CNIH2: variants seen among roughly 807,000 people sequenced by gnomAD.
The protein encoded by CNIH2 is protein cornichon homolog 2.
In CNIH2, 8 loss-of-function variants were observed where a neutral mutation model predicts 22.9. The observed-to-expected ratio is 0.35, with a 90% CI of 0.20 to 0.63. The LOEUF is 0.63. Among genes scored for constraint, CNIH2 ranks in the 30% least tolerant of loss-of-function variants. The pLI is 0.72. For synonymous variants in CNIH2, 74 were observed against 78.2 expected, an observed-to-expected ratio of 0.95 and a Z score of 0.28; for missense variants, 105 against 206.2, an observed-to-expected ratio of 0.51 and a Z score of 3.01.
At chr11:66,283,203 G>A (rs200300899) in intron 4 of CNIH2, 45 bp from the exon 5 acceptor site, 88 of 1,613,596 alleles carry the variant, frequency 5.5e-5, no homozygotes, top group South Asian at 1.1e-5. Flanking sequence ...GCAGGATGGG[G>A]GTGGGAGTCC....
chr11:66,279,631 G>C (rs1355303080), intron 1 of CNIH2, among the ~76,000 whole-genome samples: 1 of 151,814 alleles, frequency 6.6e-6, no homozygotes, highest in Non-Finnish European at 1.5e-5. Flanking sequence ...CTTCCTCCCG[G>C]TGCCTCACCT....
intron 3 of CNIH2, 124 bp from the exon 4 acceptor site, chr11:66,282,911 A>G: frequency 7.3e-7 from 1 of 1,366,518 alleles, no homozygotes; most frequent in Non-Finnish European, 1.0e-6. Flanking sequence ...GGGAAGCCAG[A>G]GGCCTTTTAA....
chr11:66,280,555 C>T lies in CNIH2; in HGVS notation c.82-1704C>T, dbSNP rs560577670. Reference sequence around the variant, plus strand: ...CCCAGTGGTTCCTAGGCAACCCTGGCGGTGAGTGACGCGTGTCAGCTGTCA... The same window carrying T: ...CCCAGTGGTTCCTAGGCAACCCTGGTGGTGAGTGACGCGTGTCAGCTGTCA... On this transcript the variant is annotated intron_variant, in intron 1 of 5. Transcript: ENST00000311445. Among the ~76,000 whole-genome samples the T allele has an allele frequency of 6.8e-4, 103 of 152,224 alleles. 5 individuals carry two copies. The highest frequency in any genetic ancestry group is 4.2e-4 in the South Asian group (2 of 4,816).
intron 2 of CNIH2, 102 bp downstream of exon 2, chr11:66,282,429 G>GGGGGGGGGGGGGGGGGGGGGC: frequency 1.9e-5 from 9 of 479,408 alleles, no homozygotes; most frequent in East Asian, 5.8e-5. Context: ...GGGGTGGGGG[G>GGGGGGGGGGGGGGGGGGGGGC]CCTACGGCCA....
chr11:66,280,684 C>T (rs1268826026), intron 1 of CNIH2, among the ~76,000 whole-genome samples: 3 of 152,152 alleles, frequency 2.0e-5, no homozygotes, highest in Non-Finnish European at 2.9e-5. Flanking sequence ...CTCTGGGGTA[C>T]AGACGGCACC....
rs1431766778 is a variant in CNIH2 at position 66,282,637 on chromosome 11, TC to T, written c.151-95del. 2.1e-6 allele frequency: 3 copies of T among 1,435,986 alleles called. No individual in the cohort carries two copies. In the African/African-American group the frequency reaches 4.2e-5, roughly 20 times the overall value. 89.0% of individuals were successfully genotyped at this position (1,435,986 alleles called of 1,614,324 possible). On this transcript the variant is annotated intron_variant, in intron 2 of 5. Transcript: ENST00000311445. The stretch of plus-strand genomic sequence containing the variant: ...GTGCCGACAGTGCCGCAGAGATCGC[TC>T]TGGCGCCCCCTGGCGGCCACATGTG...
intron 3 of CNIH2, 31 bp from the exon 4 acceptor site, chr11:66,283,004 G>T (rs768722465): frequency 6.3e-7 from 1 of 1,580,870 alleles, no homozygotes; most frequent in Non-Finnish European, 8.7e-7. Flanking sequence ...CATAGCACCA[G>T]GCCGCTGACC....
intron 5 of CNIH2, 64 bp from the exon 6 acceptor site, chr11:66,283,506 C>A (rs2134882725): frequency 6.2e-7 from 1 of 1,608,516 alleles, no homozygotes; most frequent in Non-Finnish European, 8.5e-7. Context: ...CAGGGTGTGA[C>A]CAGGTGGGCA....
intron 1 of CNIH2, among the ~76,000 whole-genome samples, chr11:66,279,466 G>T (rs1261650353): frequency 1.6e-5 from 1 of 63,990 alleles, no homozygotes; most frequent in Non-Finnish European, 2.9e-5. Context: ...CCCAAACCCC[G>T]TGCCTGTTTC....
intron 3 of CNIH2, 91 bp downstream of exon 3, chr11:66,282,871 C>T: frequency 1.4e-6 from 2 of 1,476,564 alleles, no homozygotes; most frequent in Non-Finnish European, 1.9e-6. Flanking sequence ...TGCTTTGGGC[C>T]TGTTTGATCC....
At chr11:66,281,388 T>C (rs1401921789) in intron 1 of CNIH2, 4 of 456,126 alleles carry the variant, frequency 8.8e-6, no homozygotes, top group Non-Finnish European at 1.8e-5. Flanking sequence ...TTGTTAAGAA[T>C]TAAATGAGTG....
At chr11:66,278,602 G>T in intron 1 of CNIH2, 65 bp downstream of exon 1, 1 of 1,198,964 alleles carries the variant, frequency 8.3e-7, no homozygotes, top group Non-Finnish European at 1.1e-6. Context: ...GGAGCTGGAG[G>T]GACCCAGGGC....
chr11:66,279,496 C>T (rs1857226897), intron 1 of CNIH2, among the ~76,000 whole-genome samples: 1 of 151,374 alleles, frequency 6.6e-6, no homozygotes, highest in Non-Finnish European at 1.5e-5. Flanking sequence ...CTGCCCAGCT[C>T]GGCCCTGGCT....
chr11:66,278,812 T>TG (rs1202938338), intron 1 of CNIH2, among the ~76,000 whole-genome samples: 2 of 138,290 alleles, frequency 1.4e-5, no homozygotes, highest in Admixed American at 7.6e-5. Context: ...GCCCGTGAGG[T>TG]GGGGGGTGGA....
intron 1 of CNIH2, 74 bp downstream of exon 1, chr11:66,278,611 G>T (rs1857201471): frequency 8.4e-7 from 1 of 1,187,462 alleles, no homozygotes. Context: ...GGGACCCAGG[G>T]CGGGTGGTCT....
intron 1 of CNIH2, 89 bp downstream of exon 1, chr11:66,278,626 G>T: frequency 1.9e-6 from 2 of 1,026,582 alleles, no homozygotes; most frequent in Non-Finnish European, 2.6e-6. Context: ...TGGTCTCAGA[G>T]CCCAGGGGAA....
chr11:66,282,429 G>GTCTGGGGGGGGGGGGGGGGGGGC, intron 2 of CNIH2, 102 bp downstream of exon 2: 1 of 479,464 alleles, frequency 2.1e-6, no homozygotes, highest in East Asian at 5.8e-5. Context: ...GGGGTGGGGG[G>GTCTGGGGGGGGGGGGGGGGGGGC]CCTACGGCCA....
intron 3 of CNIH2, 29 bp from the exon 4 acceptor site, chr11:66,283,006 C>A: frequency 6.3e-7 from 1 of 1,580,528 alleles, no homozygotes; most frequent in Non-Finnish European, 8.7e-7. Flanking sequence ...TAGCACCAGG[C>A]CGCTGACCTC....
intron 1 of CNIH2, among the ~76,000 whole-genome samples, chr11:66,280,024 G>GAGAAGGGCTCCTGGA (rs960656865): frequency 5.3e-5 from 8 of 152,356 alleles, no homozygotes; most frequent in African/African-American, 1.7e-4. Context: ...CAGCTCCTGG[G>GAGAAGGGCTCCTGGA]AGAAGGGCTC....
Sources: gnomAD v4.1 joint callset for allele counts (sites outside exome capture counted in the v4.1 genomes callset) on GRCh38, gnomAD v4.1.1 for gene constraint, MANE v1.5 for transcripts, NCBI Gene and HGNC (gene_info 2026-07-23, HGNC 2026-07-21) for gene names.